RANBP17: variants seen among roughly 807,000 people sequenced by gnomAD.
The protein encoded by RANBP17 is ran-binding protein 17.
Under a neutral mutation model 141.2 loss-of-function variants are expected in RANBP17, and 158 were observed. The observed-to-expected ratio is 1.12, with a 90% CI of 0.98 to 1.28. The LOEUF (loss-of-function observed/expected upper bound fraction) is 1.28. Among genes scored for constraint, RANBP17 ranks in the 50% most tolerant of loss-of-function variants. The pLI is 0.00. For synonymous variants in RANBP17, 430 were observed against 450.0 expected, an observed-to-expected ratio of 0.96 and a Z score of 0.56; for missense variants, 1,438 against 1,290.7, an observed-to-expected ratio of 1.11 and a Z score of -1.75.
intron 1 of RANBP17, among the ~76,000 whole-genome samples, chr5:170,865,452 G>A (rs899108386): frequency 2.0e-5 from 3 of 152,136 alleles, no homozygotes; most frequent in Non-Finnish European, 4.4e-5. Flanking sequence ...CAAAGGTTGT[G>A]TCCACTCTGT....
At chr5:171,117,166 A>T (rs1187110062) in intron 14 of RANBP17, among the ~76,000 whole-genome samples, 1 of 152,160 alleles carries the variant, frequency 6.6e-6, no homozygotes. Flanking sequence ...TGATATACTG[A>T]TATCTTTCCT....
At chr5:171,029,078 C>T (rs947877569) in intron 14 of RANBP17, 6 of 388,970 alleles carry the variant, frequency 1.5e-5, no homozygotes, top group Non-Finnish European at 2.4e-5. Flanking sequence ...CATCAGTCAG[C>T]CTTAGTTTTT....
intron 1 of RANBP17, 48 bp downstream of exon 1, chr5:170,862,099 C>T: frequency 5.6e-6 from 8 of 1,431,516 alleles, no homozygotes; most frequent in Non-Finnish European, 7.3e-6. Flanking sequence ...CGCTGGGAAC[C>T]CGGCGGGACG....
chr5:171,123,439 G>A (rs1395223650), intron 14 of RANBP17, among the ~76,000 whole-genome samples: 65 of 152,198 alleles, frequency 4.3e-4, no homozygotes, highest in Non-Finnish European at 2.9e-5. Flanking sequence ...CATTTGGGGG[G>A]TCAAGGGTTT....
chr5:171,123,423 G>A (rs1317972066), intron 14 of RANBP17, among the ~76,000 whole-genome samples: 1 of 152,214 alleles, frequency 6.6e-6, no homozygotes, highest in Non-Finnish European at 1.5e-5. Context: ...TGGCACACAT[G>A]TATGTCATTT....
chr5:171,089,106 G>T (rs1785962064), intron 14 of RANBP17, among the ~76,000 whole-genome samples: 1 of 151,464 alleles, frequency 6.6e-6, no homozygotes, highest in Admixed American at 6.6e-5. Flanking sequence ...ATCTACTTTT[G>T]GTCTTTGATG....
rs1390089020 is a variant in RANBP17 at position 171,216,159 on chromosome 5, A to AT, written c.2339+2427dup. On this transcript the variant is annotated intron_variant, in intron 21 of 27. Transcript: ENST00000523189. The stretch of plus-strand genomic sequence containing the variant: ...CCCAGCACCATTTATTAAATAGGAG[A>AT]TTTTTTCTCCATTGGTTGTTATTGT... Among the ~76,000 whole-genome samples the AT allele has an allele frequency of 8.6e-5, 13 of 151,850 alleles. No individual in the cohort carries two copies. In the South Asian group the frequency reaches 1.9e-3, roughly 22 times the overall value.
intron 14 of RANBP17, among the ~76,000 whole-genome samples, chr5:171,024,192 A>G (rs1258596751): frequency 6.6e-6 from 1 of 152,176 alleles, no homozygotes; most frequent in East Asian, 1.9e-4. Context: ...AAGATAATAG[A>G]GAATCTGTGA....
intron 14 of RANBP17, among the ~76,000 whole-genome samples, chr5:171,004,347 G>T (rs536879671): frequency 6.6e-6 from 1 of 152,054 alleles, no homozygotes; most frequent in African/African-American, 2.4e-5. Context: ...CAGATAATTC[G>T]GTTAAAATGT....
rs140208253 is a variant in RANBP17, at chr5:171,277,938, C to CTTTTTTTTTTTT, written c.2943+12111_2943+12122dup. ...CAGTCCTTGAGCCTAGGACTTCTTT[C>CTTTTTTTTTTTT]TTTTTTTTTTTTTTTTTTTTTTTTT... On this transcript the variant is annotated intron_variant, in intron 25 of 27. Coordinates refer to ENST00000523189, the MANE Select transcript of RANBP17 (RefSeq NM_022897.5). Among the ~76,000 whole-genome samples, 7 of 72,266 alleles carry CTTTTTTTTTTTT rather than the reference C, an allele frequency of 9.7e-5. 1 individual carries two copies. The highest frequency in any genetic ancestry group is 5.5e-4 in the East Asian group (1 of 1,828). The allele number at this position is 72,266 out of a possible 152,430, so 47.4% of individuals were successfully genotyped here. A position where few individuals can be genotyped will look rare whatever the true frequency, so the allele number is the denominator to read the frequency against.
At chr5:171,063,232 C>T (rs969427688) in intron 14 of RANBP17, among the ~76,000 whole-genome samples, 43 of 152,162 alleles carry the variant, frequency 2.8e-4, no homozygotes, top group African/African-American at 6.0e-4. Context: ...GGAGGAGAGG[C>T]GCTCTGCTTT....
intron 14 of RANBP17, among the ~76,000 whole-genome samples, chr5:171,047,902 C>T (rs948285530): frequency 4.6e-5 from 7 of 152,018 alleles, no homozygotes. Flanking sequence ...CTAATTATTA[C>T]ATTTTTATGG....
chr5:171,238,228 A>G (rs1352713484), intron 22 of RANBP17, among the ~76,000 whole-genome samples: 1 of 152,182 alleles, frequency 6.6e-6, no homozygotes, highest in Non-Finnish European at 1.5e-5. Flanking sequence ...TTTGTATCCT[A>G]CTGCTCAAGG....
At chr5:170,978,348 T>G (rs1777534679) in intron 14 of RANBP17, among the ~76,000 whole-genome samples, 1 of 152,098 alleles carries the variant, frequency 6.6e-6, no homozygotes, top group Admixed American at 6.5e-5. Context: ...CTACTCTTAT[T>G]TACCCAGAAG....
chr5:171,130,121 A>G (rs970427998), intron 14 of RANBP17, among the ~76,000 whole-genome samples: 2 of 152,184 alleles, frequency 1.3e-5, no homozygotes, highest in Non-Finnish European at 2.9e-5. Flanking sequence ...TGGAAGAACT[A>G]TATCATTGTT....
At chr5:171,148,849 G>A (rs1758271686) in intron 14 of RANBP17, among the ~76,000 whole-genome samples, 1 of 152,188 alleles carries the variant, frequency 6.6e-6, no homozygotes, top group Non-Finnish European at 1.5e-5. Context: ...TGATATTAAT[G>A]TCTACCTGCT....
intron 14 of RANBP17, among the ~76,000 whole-genome samples, chr5:171,090,564 G>C (rs1204899179): frequency 6.6e-6 from 1 of 152,158 alleles, no homozygotes; most frequent in Non-Finnish European, 1.5e-5. Context: ...GGAGCCGAAT[G>C]TTAACCACTA....
chr5:170,876,094 A>G (rs1420353519), intron 1 of RANBP17, among the ~76,000 whole-genome samples: 1 of 152,126 alleles, frequency 6.6e-6, no homozygotes, highest in Non-Finnish European at 1.5e-5. Flanking sequence ...AGGAGGCTGG[A>G]GAACGGCAGA....
intron 13 of RANBP17, among the ~76,000 whole-genome samples, chr5:170,957,107 A>ACACG (rs542213195): frequency 6.8e-4 from 102 of 150,532 alleles, no homozygotes; most frequent in East Asian, 2.0e-3. Flanking sequence ...ACACACACAC[A>ACACG]CGCGCACACT....
Sources: allele counts gnomAD v4.1 joint callset (sites outside exome capture counted in the v4.1 genomes callset), GRCh38; gene constraint gnomAD v4.1.1; transcripts MANE v1.5; gene names NCBI Gene and HGNC (gene_info 2026-07-23, HGNC 2026-07-21).